PAPSS2: variants seen among roughly 807,000 people sequenced by gnomAD.
PAPSS2 encodes 3'-phosphoadenosine 5'-phosphosulfate synthase 2.
A neutral mutation model predicts 66.5 loss-of-function variants in PAPSS2; 61 were observed. That is an observed-to-expected ratio of 0.92 (90% confidence interval 0.75 to 1.14). The LOEUF (loss-of-function observed/expected upper bound fraction) is 1.14. PAPSS2 is among the 50% of genes most tolerant of loss of function. PAPSS2 has a pLI of 0.00. For missense variants in PAPSS2, 708 were observed against 789.6 expected, an observed-to-expected ratio of 0.90 and a Z score of 1.24; for synonymous variants, 289 against 287.5, an observed-to-expected ratio of 1.01 and a Z score of -0.05.
chr10:87,679,443 C>G (rs2062989100), intron 1 of PAPSS2, among the ~76,000 whole-genome samples: 1 of 152,176 alleles, frequency 6.6e-6, no homozygotes, highest in Non-Finnish European at 1.5e-5. Context: ...TGGAATTGTT[C>G]TCAACACATA....
At chr10:87,673,115 T>A (rs1469246219) in intron 1 of PAPSS2, among the ~76,000 whole-genome samples, 10 of 152,218 alleles carry the variant, frequency 6.6e-5, no homozygotes, top group Non-Finnish European at 1.5e-4. Flanking sequence ...CCATGGCCTG[T>A]CAGCGTGTAA....
At chr10:87,737,532 A>G (rs1281966210) in intron 9 of PAPSS2, among the ~76,000 whole-genome samples, 3 of 151,766 alleles carry the variant, frequency 2.0e-5, no homozygotes, top group Non-Finnish European at 2.9e-5. Flanking sequence ...CCATTAAACA[A>G]CTCCCGCGGT....
intron 1 of PAPSS2, among the ~76,000 whole-genome samples, chr10:87,706,279 A>G (rs1270799778): frequency 6.6e-6 from 1 of 150,948 alleles, no homozygotes; most frequent in Non-Finnish European, 1.5e-5. Flanking sequence ...ACTGGCACTG[A>G]GTAGGAGCTC....
chr10:87,716,787 T>C (rs1016838108), intron 7 of PAPSS2, among the ~76,000 whole-genome samples: 9 of 152,166 alleles, frequency 5.9e-5, no homozygotes, highest in African/African-American at 1.9e-4. Context: ...CCTGAATCCT[T>C]CACTTCTCAG....
intron 1 of PAPSS2, among the ~76,000 whole-genome samples, chr10:87,665,576 C>T (rs1244160316): frequency 1.3e-5 from 2 of 152,154 alleles, no homozygotes; most frequent in Non-Finnish European, 2.9e-5. Flanking sequence ...ACATGAGAGC[C>T]AGCTTGTGAA....
rs1020334614 is a variant in PAPSS2 at position 87,747,519 on chromosome 10, TA to T, written c.*1560del. 33 of 147,870 alleles carry T rather than the reference TA, an allele frequency of 2.2e-4. No homozygotes were observed. The highest frequency in any genetic ancestry group is 3.7e-4 in the African/African-American group (15 of 40,466). 9.2% of individuals were successfully genotyped at this position (147,870 alleles called of 1,614,324 possible). ...GTAATCGGTTACTCACTACTGCCTT[TA>T]AAAAAAAAAACCAGCATATTTATTG... On this transcript the variant is annotated 3_prime_UTR_variant, in exon 13 of 13. Coordinates refer to ENST00000456849, the MANE Select transcript of PAPSS2 (RefSeq NM_001015880.2).
intron 8 of PAPSS2, among the ~76,000 whole-genome samples, chr10:87,726,159 C>T (rs544169712): frequency 2.6e-5 from 4 of 152,308 alleles, no homozygotes; most frequent in South Asian, 2.1e-4. Flanking sequence ...CGGCTGGGCA[C>T]GGTGGCTTAC....
At position 87,745,100 on chromosome 10, in the gene PAPSS2, T is replaced by G; in HGVS notation, c.1590T>G (p.Asp530Glu). The change falls in exon 12 of 13, where the codon GAT becomes GAG. Residue 530 changes from aspartate (D) to glutamate (E), a missense_variant. Asp to Glu is a conservative substitution (Grantham distance 45, BLOSUM62 2). Coordinates refer to ENST00000456849, the MANE Select transcript of PAPSS2 (RefSeq NM_001015880.2). ...TGCCCCATCCTGAAACCAAGAAGGA[T>G]CTGTATGAACCCACTCATGGGGGCA... The part of the protein sequence containing the change: ...AGMPHPETKK[D>E]LYEPTHGGKV... 1 of 1,614,102 alleles carries G rather than the reference T, an allele frequency of 6.2e-7. No individual in the cohort carries two copies. The highest frequency in any genetic ancestry group is 8.5e-7 in the Non-Finnish European group (1 of 1,179,996).
intron 1 of PAPSS2, among the ~76,000 whole-genome samples, chr10:87,677,316 G>A (rs1852962115): frequency 6.6e-6 from 1 of 152,002 alleles, no homozygotes; most frequent in Admixed American, 6.5e-5. Context: ...TTTTAAAGAT[G>A]GCAACTTTGT....
intron 7 of PAPSS2, among the ~76,000 whole-genome samples, chr10:87,719,949 G>A (rs537524610): frequency 2.0e-5 from 3 of 151,942 alleles, no homozygotes; most frequent in South Asian, 2.1e-4. Context: ...GCAGTGGCGC[G>A]ATCTCTGCTC....
At chr10:87,719,853 G>A (rs1015281592) in intron 7 of PAPSS2, among the ~76,000 whole-genome samples, 2 of 152,006 alleles carry the variant, frequency 1.3e-5, no homozygotes, top group Non-Finnish European at 2.9e-5. Flanking sequence ...CCCATCAGTG[G>A]TTGTGAAACT....
rs564286015 is a variant in PAPSS2 at position 87,689,350 on chromosome 10, A to C, written c.28-19846A>C. 4.7e-3 allele frequency among the ~76,000 whole-genome samples: 708 copies of C among 150,746 alleles called. 13 individuals carry two copies. The highest frequency in any genetic ancestry group is 0.016 in the African/African-American group (644 of 40,962). On this transcript the variant is annotated intron_variant, in intron 1 of 12. Coordinates refer to ENST00000456849, the MANE Select transcript of PAPSS2 (RefSeq NM_001015880.2). Reference sequence around the variant, plus strand: ...AGCAAAACTCCATCTCAAAAAAAAAAAAAAACAAAAAAAACCCACAAAGAA... The same window carrying C: ...AGCAAAACTCCATCTCAAAAAAAAACAAAAACAAAAAAAACCCACAAAGAA...
intron 1 of PAPSS2, among the ~76,000 whole-genome samples, chr10:87,693,470 G>A (rs946399325): frequency 3.9e-5 from 6 of 152,128 alleles, no homozygotes; most frequent in South Asian, 2.1e-4. Flanking sequence ...ATTTCCAACC[G>A]AAGGACTCTT....
At position 87,733,091 on chromosome 10, in the gene PAPSS2, G is replaced by A. The variant is rs543586702; in HGVS notation, c.1086+5602G>A. On this transcript the variant is annotated intron_variant, in intron 9 of 12. Transcript: ENST00000456849. ...AACCCACAAAAACACTTTAACACAG[G>A]TTTTTAGAACCCCACAGCTTCCAAA... 3.3e-5 allele frequency among the ~76,000 whole-genome samples: 5 copies of A among 152,300 alleles called. No homozygotes were observed. In the South Asian group the frequency reaches 1.0e-3, roughly 32 times the overall value.
At chr10:87,725,484 G>A (rs1165385310) in intron 8 of PAPSS2, among the ~76,000 whole-genome samples, 1 of 152,190 alleles carries the variant, frequency 6.6e-6, no homozygotes, top group African/African-American at 2.4e-5. Context: ...ATGACTTGAT[G>A]TCATTTTTCA....
In PAPSS2 at chr10:87,668,366, A is replaced by T. The variant is rs191297952; in HGVS notation, c.27+8358A>T. ...ACAATATTTATTGAATGACCAAACC[A>T]GGATCTCTATTTGTCATAATTAACA... On this transcript the variant is annotated intron_variant, in intron 1 of 12. Coordinates refer to ENST00000456849, the MANE Select transcript of PAPSS2 (RefSeq NM_001015880.2). Among the ~76,000 whole-genome samples, 223 of 152,330 alleles carry T rather than the reference A, an allele frequency of 1.5e-3. 1 individual carries two copies. Among genetic ancestry groups the T allele is most frequent in the African/African-American group, 5.1e-3 (213 of 41,566 alleles).
intron 1 of PAPSS2, among the ~76,000 whole-genome samples, chr10:87,696,994 C>T (rs61853155): frequency 2.0e-5 from 3 of 152,120 alleles, no homozygotes; most frequent in Non-Finnish European, 4.4e-5. Flanking sequence ...AACTGAAGTC[C>T]GTACTTTCTT....
intron 10 of PAPSS2, among the ~76,000 whole-genome samples, chr10:87,742,930 T>C (rs962153836): frequency 1.3e-5 from 2 of 152,228 alleles, no homozygotes; most frequent in Non-Finnish European, 2.9e-5. Flanking sequence ...GACCCAGGTG[T>C]ATTCTCCAGC....
chr10:87,676,559 T>C (rs984866712), intron 1 of PAPSS2, among the ~76,000 whole-genome samples: 40 of 152,318 alleles, frequency 2.6e-4, no homozygotes, highest in African/African-American at 9.1e-4. Context: ...CTAATTAGCT[T>C]TGTACCTTTT....
Sources: allele counts gnomAD v4.1 joint callset (sites outside exome capture counted in the v4.1 genomes callset), GRCh38; gene constraint gnomAD v4.1.1; transcripts MANE v1.5; gene names NCBI Gene and HGNC (gene_info 2026-07-23, HGNC 2026-07-21).